The following EML4 variants were observed in gnomAD, a reference collection of about 807,000 sequenced individuals.
The protein encoded by EML4 is echinoderm microtubule-associated protein-like 4.
EML4 carries 72 observed loss-of-function variants against 129.0 expected under a neutral mutation model. The observed-to-expected ratio is 0.56, with a 90% CI of 0.46 to 0.68. EML4 has a LOEUF of 0.68. EML4 is among the 30% of genes least tolerant of loss of function. EML4 has a pLI of 0.00. For missense variants in EML4, 1,363 were observed against 1,190.6 expected, an observed-to-expected ratio of 1.14 and a Z score of -2.13; for synonymous variants, 532 against 405.0, an observed-to-expected ratio of 1.31 and a Z score of -3.77.
At chr2:42,202,996 C>G (rs377236694) in intron 1 of EML4, among the ~76,000 whole-genome samples, 3 of 151,994 alleles carry the variant, frequency 2.0e-5, no homozygotes, top group African/African-American at 7.3e-5. Context: ...CCAGTGTACT[C>G]CAGCCTGGGT....
At chr2:42,328,106 T>C (rs529881944) in intron 21 of EML4, among the ~76,000 whole-genome samples, 2 of 152,192 alleles carry the variant, frequency 1.3e-5, no homozygotes, top group South Asian at 4.1e-4. Context: ...AATGAAGACA[T>C]TATTTATTTA....
chr2:42,252,785 G>C (rs1409495924), intron 2 of EML4, among the ~76,000 whole-genome samples: 1 of 151,886 alleles, frequency 6.6e-6, no homozygotes, highest in Non-Finnish European at 1.5e-5. Context: ...ATTCTTTAAG[G>C]CCTTATTCTG....
chr2:42,295,328 A>C (rs1397525774), intron 12 of EML4, 53 bp from the exon 13 acceptor site: 2 of 1,604,216 alleles, frequency 1.2e-6, no homozygotes, highest in Non-Finnish European at 8.5e-7. Flanking sequence ...TTTAATAAGC[A>C]TCAAGTTGTC....
intron 1 of EML4, among the ~76,000 whole-genome samples, chr2:42,225,853 C>G (rs749659741): frequency 1.3e-5 from 2 of 151,988 alleles, no homozygotes; most frequent in Non-Finnish European, 2.9e-5. Context: ...AATTTAAAAA[C>G]TTGTTTTTTG....
At chr2:42,198,623 G>A (rs998881341) in intron 1 of EML4, among the ~76,000 whole-genome samples, 1 of 152,296 alleles carries the variant, frequency 6.6e-6, no homozygotes, top group Middle Eastern at 3.4e-3. Flanking sequence ...CCTGAAGTCT[G>A]CTATTTTCTC....
At chr2:42,274,142 TTAAG>T (rs1390862825) in intron 6 of EML4, among the ~76,000 whole-genome samples, 1 of 152,188 alleles carries the variant, frequency 6.6e-6, no homozygotes, top group Non-Finnish European at 1.5e-5. Flanking sequence ...AAGGCTCAAA[TTAAG>T]TAAAGATTCT....
chr2:42,237,040 G>A (rs1453124248), intron 1 of EML4, among the ~76,000 whole-genome samples: 2 of 152,144 alleles, frequency 1.3e-5, no homozygotes, highest in African/African-American at 4.8e-5. Flanking sequence ...CTGGTCTCAG[G>A]TCATCCTCCC....
chr2:42,221,596 G>GGTTTTGTTTT (rs371292173), intron 1 of EML4, among the ~76,000 whole-genome samples: 1 of 150,590 alleles, frequency 6.6e-6, no homozygotes, highest in African/African-American at 2.4e-5. Flanking sequence ...TGTTTTTTTG[G>GGTTTTGTTTT]GTTTTGTTTT....
chr2:42,289,502 C>T (rs1472399688), intron 11 of EML4: 1 of 152,126 alleles, frequency 6.6e-6, no homozygotes, highest in African/African-American at 2.4e-5. Context: ...GCATCCTAGA[C>T]ATCTTTATTT....
chr2:42,295,207 T>G lies in EML4; in HGVS notation c.1301T>G (p.Phe434Cys). 6.2e-7 allele frequency: 1 copy of G among 1,613,594 alleles called. No individual in the cohort carries two copies. Among genetic ancestry groups the G allele is most frequent in the Non-Finnish European group, 8.5e-7 (1 of 1,179,904 alleles). Residue 434 changes from phenylalanine (F) to cysteine (C), a missense_variant, in exon 12 of 23, where the codon TTC becomes TGC. Phe to Cys is a radical substitution (Grantham distance 205). Coordinates refer to ENST00000318522, the MANE Select transcript of EML4 (RefSeq NM_019063.5). ...ATTACATGCGGTAAATCTCATATTTTCTTCTGGACCTGGAGCGGCAATTCA... is the reference window on the plus strand; with the variant it reads ...ATTACATGCGGTAAATCTCATATTTGCTTCTGGACCTGGAGCGGCAATTCA... ...TIITCGKSHI[F>C]FWTWSGNSLT...
chr2:42,320,776 C>G (rs1381042334), intron 19 of EML4, among the ~76,000 whole-genome samples: 2 of 152,078 alleles, frequency 1.3e-5, no homozygotes, highest in South Asian at 4.1e-4. Flanking sequence ...TAATGGCTTT[C>G]TGCTTGACTC....
At chr2:42,252,488 G>A (rs1055430978) in intron 2 of EML4, among the ~76,000 whole-genome samples, 5 of 152,152 alleles carry the variant, frequency 3.3e-5, no homozygotes, top group African/African-American at 1.2e-4. Flanking sequence ...TCTCTAAAAT[G>A]TAAATTGAAC....
intron 16 of EML4, among the ~76,000 whole-genome samples, chr2:42,303,816 T>TC: frequency 6.6e-6 from 1 of 152,198 alleles, no homozygotes; most frequent in East Asian, 1.9e-4. Context: ...TCCCAGCTAC[T>TC]CGAGAGGCTG....
chr2:42,217,414 C>G (rs1673267583), intron 1 of EML4, among the ~76,000 whole-genome samples: 3 of 152,080 alleles, frequency 2.0e-5, no homozygotes, highest in South Asian at 4.1e-4. Flanking sequence ...TCTTATATAA[C>G]CCACATTCTT....
At chr2:42,257,249 G>T (rs566969967) in intron 3 of EML4, among the ~76,000 whole-genome samples, 2 of 152,106 alleles carry the variant, frequency 1.3e-5, no homozygotes, top group African/African-American at 4.8e-5. Flanking sequence ...TCCAATAAAA[G>T]TGCTCACAGG....
At chr2:42,284,507 TGAA>T (rs1667180945) in intron 8 of EML4, 124 bp from the exon 9 acceptor site, 2 of 533,510 alleles carry the variant, frequency 3.7e-6, no homozygotes, top group Non-Finnish European at 6.5e-6. Flanking sequence ...TTTGATTTGC[TGAA>T]GAAAACAGAT....
chr2:42,182,999 A>G (rs542167379), intron 1 of EML4, among the ~76,000 whole-genome samples: 22 of 152,260 alleles, frequency 1.4e-4, no homozygotes, highest in Non-Finnish European at 2.9e-4. Flanking sequence ...TACCAAAAGT[A>G]CAAAAAATTA....
chr2:42,204,587 T>C (rs1672427720), intron 1 of EML4, among the ~76,000 whole-genome samples: 2 of 152,236 alleles, frequency 1.3e-5, no homozygotes, highest in South Asian at 4.1e-4. Flanking sequence ...CGAATAGCTG[T>C]TGTTCCTTGA....
Position 42,192,249 on chromosome 2 carries a change from G to T in EML4, c.25+22613G>T, listed in dbSNP as rs1442167326. On this transcript the variant is annotated intron_variant, in intron 1 of 22. Coordinates refer to ENST00000318522, the MANE Select transcript of EML4 (RefSeq NM_019063.5). ...GTTTTTTTGTTTTTTTTTTTGGGGG[G>T]GGGAGGTGTAGTCTTGCTCCTCTGT... is the stretch of plus-strand genomic sequence containing the variant. Among the ~76,000 whole-genome samples the T allele has an allele frequency of 5.4e-5, 8 of 149,212 alleles. No individual in the cohort carries two copies. In the East Asian group the frequency reaches 1.6e-3, roughly 29 times the overall value.
Sources: gnomAD v4.1 joint callset for allele counts (sites outside exome capture counted in the v4.1 genomes callset) on GRCh38, gnomAD v4.1.1 for gene constraint, MANE v1.5 for transcripts, NCBI Gene and HGNC (gene_info 2026-07-23, HGNC 2026-07-21) for gene names.